PACRG: variants seen among roughly 807,000 people sequenced by gnomAD.
PACRG encodes the protein parkin coregulated gene protein.
PACRG carries 29 observed loss-of-function variants against 29.7 expected under a neutral mutation model. The observed-to-expected ratio is 0.98, with a 90% CI of 0.73 to 1.33. The LOEUF (loss-of-function observed/expected upper bound fraction) is 1.33. Among genes scored for constraint, PACRG ranks in the 40% most tolerant of loss-of-function variants. The pLI is 0.00. For missense variants in PACRG, 279 were observed against 316.2 expected (o/e 0.88, Z 0.89); for synonymous variants, 116 against 118.7 (o/e 0.98, Z 0.15).
rs569546451 is a variant in PACRG, at chr6:162,756,222, A to G, written c.156+27831A>G. Among the ~76,000 whole-genome samples, 26 of 152,308 alleles carry G rather than the reference A, an allele frequency of 1.7e-4. No homozygotes were observed. In the Middle Eastern group the frequency reaches 0.014, roughly 80 times the overall value. On this transcript the variant is annotated intron_variant, in intron 1 of 4. Coordinates refer to ENST00000366888, the MANE Select transcript of PACRG (RefSeq NM_001080379.2). ...TATTGATATTCTGTTTAGATAATCT[A>G]TTCATTGTTGAAAGTGGCGTATTAA...
At position 162,955,274 on chromosome 6, in the gene PACRG, T is replaced by C. The variant is rs544312225; in HGVS notation, c.292-106876T>C. Among the ~76,000 whole-genome samples, 4 of 149,338 alleles carry C rather than the reference T, an allele frequency of 2.7e-5. No individual in the cohort carries two copies. The East Asian group carries it at 6.3e-4, about 24-fold the overall frequency. On this transcript the variant is annotated intron_variant, in intron 2 of 4. Transcript: ENST00000366888. ...ATTCCCCTAATGGTTTTGAAATCTA[T>C]TTTTGTTGTTGTTGTTGTTGTTTGT... is the stretch of plus-strand genomic sequence containing the variant.
At chr6:162,802,615 C>A (rs934292812) in intron 1 of PACRG, among the ~76,000 whole-genome samples, 2 of 152,130 alleles carry the variant, frequency 1.3e-5, no homozygotes, top group African/African-American at 2.4e-5. Context: ...ATCTTGACAT[C>A]CCACAGGGTA....
At chr6:163,020,113 G>A (rs1371712134) in intron 2 of PACRG, among the ~76,000 whole-genome samples, 1 of 152,198 alleles carries the variant, frequency 6.6e-6, no homozygotes, top group Non-Finnish European at 1.5e-5. Flanking sequence ...GGGTAACAAT[G>A]TAAAGAAAAC....
At chr6:163,116,984 C>G (rs112757480) in intron 4 of PACRG, among the ~76,000 whole-genome samples, 1 of 152,110 alleles carries the variant, frequency 6.6e-6, no homozygotes, top group Non-Finnish European at 1.5e-5. Context: ...CATGCCTGTC[C>G]CGTGGCCAGC....
chr6:163,178,807 A>T (rs1779510706), intron 4 of PACRG, among the ~76,000 whole-genome samples: 1 of 152,198 alleles, frequency 6.6e-6, no homozygotes, highest in African/African-American at 2.4e-5. Flanking sequence ...AGCAAGAACT[A>T]GGTACAGTAT....
chr6:162,844,168 T>G (rs567265268), intron 2 of PACRG, among the ~76,000 whole-genome samples: 1 of 150,094 alleles, frequency 6.7e-6, no homozygotes, highest in African/African-American at 2.5e-5. Context: ...TAAGCAAGCC[T>G]GGGCAATGGC....
intron 4 of PACRG, among the ~76,000 whole-genome samples, chr6:163,167,863 A>G (rs1312815407): frequency 6.6e-6 from 1 of 152,212 alleles, no homozygotes. Context: ...ACTGCCTGTG[A>G]ATGTGATTTG....
At chr6:163,206,741 GA>G (rs2128152235) in intron 4 of PACRG, among the ~76,000 whole-genome samples, 1 of 97,704 alleles carries the variant, frequency 1.0e-5, no homozygotes, top group Admixed American at 9.5e-5. Context: ...GACTCTTGGA[GA>G]AGCTGTCCCC....
intron 2 of PACRG, among the ~76,000 whole-genome samples, chr6:162,993,316 G>A (rs1403378061): frequency 1.7e-5 from 2 of 115,330 alleles, no homozygotes; most frequent in Non-Finnish European, 3.5e-5. Context: ...CTGTCTCATT[G>A]ATCTGTCTAA....
At chr6:162,813,878 C>G (rs1466197643) in intron 1 of PACRG, among the ~76,000 whole-genome samples, 1 of 152,082 alleles carries the variant, frequency 6.6e-6, no homozygotes, top group African/African-American at 2.4e-5. Context: ...GTTTTCTCTT[C>G]CCTCTAAAGT....
intron 2 of PACRG, among the ~76,000 whole-genome samples, chr6:162,836,754 CT>C (rs1789264541): frequency 6.6e-6 from 1 of 152,058 alleles, no homozygotes; most frequent in Non-Finnish European, 1.5e-5. Context: ...ATTCTTACAA[CT>C]TGTGCTGTAA....
intron 2 of PACRG, among the ~76,000 whole-genome samples, chr6:162,920,713 A>G (rs1162640977): frequency 1.3e-5 from 2 of 152,162 alleles, no homozygotes; most frequent in Non-Finnish European, 2.9e-5. Flanking sequence ...GCTACATACC[A>G]GGTCACTATC....
At chr6:162,792,801 C>T (rs961194381) in intron 1 of PACRG, among the ~76,000 whole-genome samples, 3 of 152,058 alleles carry the variant, frequency 2.0e-5, no homozygotes, top group Non-Finnish European at 4.4e-5. Context: ...AGCAGGGGCA[C>T]AGTGCAATGG....
intron 4 of PACRG, among the ~76,000 whole-genome samples, chr6:163,113,717 G>A (rs998668851): frequency 3.9e-5 from 6 of 152,074 alleles, no homozygotes; most frequent in African/African-American, 1.4e-4. Context: ...AAAAGCCAAG[G>A]GAGTTTGCTA....
intron 2 of PACRG, among the ~76,000 whole-genome samples, chr6:162,922,372 G>A (rs1797126960): frequency 6.6e-6 from 1 of 151,060 alleles, no homozygotes; most frequent in African/African-American, 2.4e-5. Context: ...CTAACACAGT[G>A]ATCAAACCAG....
intron 2 of PACRG, among the ~76,000 whole-genome samples, chr6:162,944,840 G>C (rs555364646): frequency 2.0e-5 from 3 of 151,870 alleles, no homozygotes; most frequent in African/African-American, 7.3e-5. Context: ...ACACCATAAA[G>C]TGTCCAAATA....
intron 2 of PACRG, among the ~76,000 whole-genome samples, chr6:163,012,102 C>A (rs1009592794): frequency 3.3e-5 from 5 of 152,212 alleles, no homozygotes; most frequent in African/African-American, 1.2e-4. Flanking sequence ...AGATGTGTTT[C>A]ATGAGGACAA....
At chr6:163,194,710 G>T (rs1372175042) in intron 4 of PACRG, among the ~76,000 whole-genome samples, 1 of 152,190 alleles carries the variant, frequency 6.6e-6, no homozygotes, top group African/African-American at 2.4e-5. Flanking sequence ...ATTTGTGAAG[G>T]CATCAATGTG....
At chr6:163,251,346 C>T (rs1025051485) in intron 4 of PACRG, among the ~76,000 whole-genome samples, 1 of 152,112 alleles carries the variant, frequency 6.6e-6, no homozygotes, top group East Asian at 1.9e-4. Flanking sequence ...TTATTGGGAA[C>T]TTCTGAAACC....
Sources: allele counts gnomAD v4.1 joint callset (sites outside exome capture counted in the v4.1 genomes callset), GRCh38; gene constraint gnomAD v4.1.1; transcripts MANE v1.5; gene names NCBI Gene and HGNC (gene_info 2026-07-23, HGNC 2026-07-21).